The following DLG2 variants were observed in gnomAD, a reference collection of about 807,000 sequenced individuals.
DLG2 encodes the protein disks large homolog 2.
DLG2 carries 45 observed loss-of-function variants against 132.5 expected under a neutral mutation model. The observed-to-expected ratio is 0.34, with a 90% CI of 0.27 to 0.44. The LOEUF is 0.44. Ranked by LOEUF, DLG2 falls within the 20% of genes least tolerant of loss-of-function variation. The probability of loss-of-function intolerance (pLI) is 1.00; values close to 1 mark genes in which losing one functional copy is unlikely to be tolerated. For missense variants in DLG2, 1,045 were observed against 1,196.9 expected (o/e 0.87, Z 1.87); for synonymous variants, 424 against 419.6 (o/e 1.01, Z -0.13).
chr11:84,438,472 T>A (rs1251648220), intron 7 of DLG2, among the ~76,000 whole-genome samples: 2 of 143,456 alleles, frequency 1.4e-5, no homozygotes, highest in East Asian at 1.9e-4. Flanking sequence ...TTAAAAAAAA[T>A]AAAAAATAAA....
intron 3 of DLG2, among the ~76,000 whole-genome samples, chr11:85,449,820 C>G (rs537107750): frequency 6.8e-6 from 1 of 147,282 alleles, no homozygotes; most frequent in South Asian, 2.1e-4. Context: ...CTAGACTGCT[C>G]AGACTACAAA....
At chr11:84,904,666 T>A (rs1197941118) in intron 6 of DLG2, among the ~76,000 whole-genome samples, 1 of 152,202 alleles carries the variant, frequency 6.6e-6, no homozygotes, top group African/African-American at 2.4e-5. Context: ...AAAATGTAGA[T>A]AATAAACCAA....
At chr11:85,160,563 C>T (rs531053639) in intron 4 of DLG2, among the ~76,000 whole-genome samples, 2 of 152,288 alleles carry the variant, frequency 1.3e-5, no homozygotes, top group South Asian at 4.1e-4. Context: ...GAACTAAATG[C>T]TTTCTGACCC....
chr11:85,235,216 T>C (rs2075520209), intron 4 of DLG2, among the ~76,000 whole-genome samples: 1 of 151,992 alleles, frequency 6.6e-6, no homozygotes, highest in Non-Finnish European at 1.5e-5. Context: ...ATTTCAAAAG[T>C]TTACAGTTTC....
At chr11:84,644,465 A>G (rs9971413) in intron 6 of DLG2, among the ~76,000 whole-genome samples, 76,709 of 151,740 alleles carry the variant, frequency 0.51, 19,999 homozygotes, top group African/African-American at 0.62. Flanking sequence ...CCAGCACTTT[A>G]GGGGACAGAG....
At chr11:84,287,634 C>T (rs1445943345) in intron 7 of DLG2, among the ~76,000 whole-genome samples, 3 of 151,782 alleles carry the variant, frequency 2.0e-5, no homozygotes, top group Non-Finnish European at 4.4e-5. Context: ...GTCTCTGTTT[C>T]TATCTCTCTC....
At chr11:85,592,990 G>C (rs1404647826) in intron 3 of DLG2, among the ~76,000 whole-genome samples, 1 of 150,784 alleles carries the variant, frequency 6.6e-6, no homozygotes, top group Non-Finnish European at 1.5e-5. Context: ...AAAGAAAAAA[G>C]AAGGAAGGAA....
intron 3 of DLG2, among the ~76,000 whole-genome samples, chr11:85,595,147 G>T (rs1020798472): frequency 6.7e-6 from 1 of 148,698 alleles, no homozygotes; most frequent in African/African-American, 2.5e-5. Flanking sequence ...CCTAATAAAA[G>T]TGCCTTGAAA....
intron 2 of DLG2, among the ~76,000 whole-genome samples, chr11:85,618,623 G>A (rs957305060): frequency 8.5e-5 from 13 of 152,068 alleles, no homozygotes; most frequent in Non-Finnish European, 1.6e-4. Flanking sequence ...GTGGGGCAAG[G>A]GCTAAAAAAC....
chr11:83,708,289 C>T (rs2084539206), intron 18 of DLG2, among the ~76,000 whole-genome samples: 1 of 152,154 alleles, frequency 6.6e-6, no homozygotes, highest in Non-Finnish European at 1.5e-5. Flanking sequence ...CACAGTGATG[C>T]TCAATAAATA....
At chr11:83,610,592 A>G (rs1433571232) in intron 19 of DLG2, among the ~76,000 whole-genome samples, 1 of 152,170 alleles carries the variant, frequency 6.6e-6, no homozygotes. Flanking sequence ...GGTAATATTT[A>G]TTAAGCACAT....
chr11:84,524,108 TA>T (rs895385440), intron 7 of DLG2, among the ~76,000 whole-genome samples: 17 of 151,224 alleles, frequency 1.1e-4, no homozygotes, highest in East Asian at 3.9e-4. Context: ...CTGAGGAGCT[TA>T]AAAAAAAACT....
intron 4 of DLG2, among the ~76,000 whole-genome samples, chr11:85,156,755 C>T (rs928384500): frequency 6.6e-6 from 1 of 152,174 alleles, no homozygotes; most frequent in African/African-American, 2.4e-5. Flanking sequence ...ATAGACTAAG[C>T]GCAAAGTAAA....
chr11:83,986,522 G>T (rs1199170087), intron 11 of DLG2, among the ~76,000 whole-genome samples: 2 of 150,500 alleles, frequency 1.3e-5, no homozygotes, highest in Admixed American at 1.3e-4. Flanking sequence ...ATAAACATAC[G>T]TGTGCATGTG....
chr11:85,221,491 T>A (rs910701072), intron 4 of DLG2, among the ~76,000 whole-genome samples: 19 of 152,356 alleles, frequency 1.2e-4, no homozygotes, highest in African/African-American at 4.6e-4. Flanking sequence ...GACCTCTACA[T>A]GTCTGCACTA....
intron 8 of DLG2, among the ~76,000 whole-genome samples, chr11:84,250,169 A>G (rs763276168): frequency 6.6e-6 from 1 of 152,238 alleles, no homozygotes; most frequent in Non-Finnish European, 1.5e-5. Flanking sequence ...AATTGCAAAC[A>G]TGTACAAATT....
intron 6 of DLG2, among the ~76,000 whole-genome samples, chr11:84,871,525 G>A (rs2085457123): frequency 2.0e-5 from 3 of 152,100 alleles, no homozygotes; most frequent in African/African-American, 4.8e-5. Flanking sequence ...GAAACCATAA[G>A]ATTGTTGCTA....
At chr11:84,828,348 A>G (rs1313698528) in intron 6 of DLG2, among the ~76,000 whole-genome samples, 1 of 151,862 alleles carries the variant, frequency 6.6e-6, no homozygotes, top group African/African-American at 2.4e-5. Context: ...ATAAGGATGG[A>G]GGAAGATACT....
At chr11:84,247,838 A>G (rs2097322619) in intron 8 of DLG2, among the ~76,000 whole-genome samples, 1 of 152,198 alleles carries the variant, frequency 6.6e-6, no homozygotes, top group African/African-American at 2.4e-5. Context: ...ATTTCTATCA[A>G]AAATCAAATT....
Sources: gnomAD v4.1 joint callset for allele counts (sites outside exome capture counted in the v4.1 genomes callset) on GRCh38, gnomAD v4.1.1 for gene constraint, MANE v1.5 for transcripts, NCBI Gene and HGNC (gene_info 2026-07-23, HGNC 2026-07-21) for gene names.